Variants in EEF1E1 observed in about 807,000 individuals in gnomAD.
EEF1E1 encodes the protein eukaryotic translation elongation factor 1 epsilon-1.
EEF1E1 carries 19 observed loss-of-function variants against 19.9 expected under a neutral mutation model. The ratio of observed to expected loss-of-function variants is 0.95; its 90% CI spans 0.66 to 1.40. The LOEUF is 1.40. EEF1E1 is among the 40% of genes most tolerant of loss of function. EEF1E1 has a pLI of 0.00. For synonymous variants in EEF1E1, 81 were observed against 80.0 expected (o/e 1.01, Z -0.07); for missense variants, 198 against 202.2 (o/e 0.98, Z 0.13).
intron 2 of EEF1E1, 25 bp downstream of exon 2, chr6:8,097,242 C>T (rs1460418308): frequency 1.2e-6 from 2 of 1,606,206 alleles, no homozygotes; most frequent in Non-Finnish European, 1.7e-6. Context: ...TCATGCATTT[C>T]AGCCTATAAG....
chr6:8,092,869 C>CCTT (rs1491119699), intron 2 of EEF1E1, among the ~76,000 whole-genome samples: 33 of 93,774 alleles, frequency 3.5e-4, no homozygotes, highest in Admixed American at 8.9e-4. Context: ...ATAAAGACTG[C>CCTT]TTTTTTTTTT....
chr6:8,084,653 A>G (rs1017103182), intron 3 of EEF1E1, among the ~76,000 whole-genome samples: 5 of 152,236 alleles, frequency 3.3e-5, no homozygotes, highest in Non-Finnish European at 7.3e-5. Context: ...ACGACTGATG[A>G]TATTTTTCCT....
chr6:8,090,120 A>C, intron 3 of EEF1E1, 66 bp downstream of exon 3: 2 of 1,338,774 alleles, frequency 1.5e-6, no homozygotes, highest in Non-Finnish European at 2.0e-6. Context: ...TTTAAATTCA[A>C]GACAAAGTTT....
In EEF1E1 at chr6:8,101,236, AAAAAAAAATATATATATAT is replaced by A. The variant is rs1224007591; in HGVS notation, c.87+1180_87+1198del. On this transcript the variant is annotated intron_variant, in intron 1 of 3. Transcript: ENST00000379715. ...GTGAGACTTTGTCTCAAAAAAAAAA[AAAAAAAAATATATATATAT>A]ATATATATATATATATATATATATA... Among the ~76,000 whole-genome samples the A allele has an allele frequency of 4.7e-3, 332 of 71,262 alleles. 36 individuals carry two copies. The highest frequency in any genetic ancestry group is 0.021 in the African/African-American group (319 of 14,838). 46.8% of individuals were successfully genotyped at this position (71,262 alleles called of 152,430 possible).
intron 2 of EEF1E1, among the ~76,000 whole-genome samples, chr6:8,094,316 G>A (rs1002363860): frequency 6.6e-6 from 1 of 151,918 alleles, no homozygotes; most frequent in Admixed American, 6.6e-5. Context: ...GCCTAAGGAC[G>A]CCGGGTGCGG....
chr6:8,101,243 A>AAAATATATATATATATAT (rs1271033598), intron 1 of EEF1E1, among the ~76,000 whole-genome samples: 1 of 58,470 alleles, frequency 1.7e-5, no homozygotes, highest in African/African-American at 7.9e-5. Context: ...AAAAAAAAAA[A>AAAATATATATATATATAT]ATATATATAT....
intron 3 of EEF1E1, chr6:8,089,928 T>A: frequency 2.6e-6 from 1 of 381,928 alleles, no homozygotes; most frequent in Non-Finnish European, 4.6e-6. Flanking sequence ...CTTTCATTTT[T>A]ATCTGATAAG....
chr6:8,090,353 A>C (rs1242584653), intron 2 of EEF1E1, 72 bp from the exon 3 acceptor site: 4 of 1,121,796 alleles, frequency 3.6e-6, no homozygotes, highest in Non-Finnish European at 4.7e-6. Context: ...TCATATCATG[A>C]CTTAAAAGAT....
intron 3 of EEF1E1, among the ~76,000 whole-genome samples, chr6:8,088,944 A>AG (rs1757942167): frequency 1.4e-5 from 2 of 141,832 alleles, no homozygotes; most frequent in African/African-American, 5.3e-5. Flanking sequence ...TATCCCTGGG[A>AG]GAAAAAAAAA....
chr6:8,092,868 GCTTTT>G (rs374573070), intron 2 of EEF1E1, among the ~76,000 whole-genome samples: 13,126 of 107,362 alleles, frequency 0.12, 1,144 homozygotes, highest in South Asian at 0.23. Context: ...GATAAAGACT[GCTTTT>G]TTTTTTTTTT....
intron 3 of EEF1E1, among the ~76,000 whole-genome samples, chr6:8,073,727 A>G (rs780561883): frequency 6.6e-6 from 1 of 152,268 alleles, no homozygotes; most frequent in Non-Finnish European, 1.5e-5. Context: ...AAATGTGGTC[A>G]GTGGAAATTG....
Position 8,073,505 on chromosome 6 carries a change from C to T in EEF1E1, c.390G>A (p.Arg130=), listed in dbSNP as rs1213688353. 1.9e-6 allele frequency: 3 copies of T among 1,551,554 alleles called. No homozygotes were observed. In the South Asian group the frequency reaches 3.6e-5, roughly 18 times the overall value. ...TCCCTACCTCTGTGTGCCTCAGCTT[C>T]CTTATCTGCAAAAGGGGATAAAAAA... The change falls in exon 4 of 4, where the codon AGG becomes AGA. Residue 130 remains arginine (R), a synonymous_variant. Transcript: ENST00000429723.
chr6:8,088,571 A>C (rs1757931186), intron 3 of EEF1E1, among the ~76,000 whole-genome samples: 1 of 152,170 alleles, frequency 6.6e-6, no homozygotes, highest in Non-Finnish European at 1.5e-5. Context: ...GTAAGACATG[A>C]CTTGCTCCGA....
In EEF1E1 at chr6:8,101,358, T is replaced by TA. The variant is rs1581480069; in HGVS notation, c.87+1076_87+1077insT. Among the ~76,000 whole-genome samples, 5 of 141,072 alleles carry TA rather than the reference T, an allele frequency of 3.5e-5. 1 individual carries two copies. The East Asian group carries it at 1.1e-3, about 31-fold the overall frequency. The allele number at this position is 141,072 out of a possible 152,430, so 92.5% of individuals were successfully genotyped here. ...ATATTATATTTATACTACATATATA[T>TA]TATATAATATATACACTAAGCTAGG... On this transcript the variant is annotated intron_variant, in intron 1 of 3. Transcript: ENST00000379715.
chr6:8,100,345 T>C (rs1758313947), intron 1 of EEF1E1, among the ~76,000 whole-genome samples: 1 of 152,228 alleles, frequency 6.6e-6, no homozygotes, highest in Admixed American at 6.5e-5. Flanking sequence ...TCCACTTTTA[T>C]AGTCAGAATT....
chr6:8,074,307 A>G lies in EEF1E1; in HGVS notation c.385-797T>C, dbSNP rs115422502. The stretch of plus-strand genomic sequence containing the variant: ...CTTTCTGCAATATACAGCTGTACTG[A>G]TAACATATACGTGTAATTTACACTT... On this transcript the variant is annotated intron_variant, in intron 3 of 3. Transcript: ENST00000429723. Among the ~76,000 whole-genome samples, 277 of 152,314 alleles carry G rather than the reference A, an allele frequency of 1.8e-3. 3 individuals carry two copies. The highest frequency in any genetic ancestry group is 6.4e-3 in the African/African-American group (266 of 41,570).
At chr6:8,088,725 T>TCCTA (rs1342485692) in intron 3 of EEF1E1, among the ~76,000 whole-genome samples, 4 of 152,212 alleles carry the variant, frequency 2.6e-5, no homozygotes, top group African/African-American at 9.7e-5. Flanking sequence ...ACAAATGGTT[T>TCCTA]GGCCTAGGAA....
chr6:8,086,556 T>G (rs1203678017), intron 3 of EEF1E1, among the ~76,000 whole-genome samples: 1 of 152,198 alleles, frequency 6.6e-6, no homozygotes, highest in African/African-American at 2.4e-5. Context: ...TTTTACAGTT[T>G]ATAAGACAAA....
chr6:8,097,140 G>A (rs1758198187), intron 2 of EEF1E1, 127 bp downstream of exon 2: 1 of 905,906 alleles, frequency 1.1e-6, no homozygotes, highest in Non-Finnish European at 1.8e-6. Context: ...GGGAATAACA[G>A]ATGCAAACTA....
Sources: allele counts gnomAD v4.1 joint callset (sites outside exome capture counted in the v4.1 genomes callset), GRCh38; gene constraint gnomAD v4.1.1; transcripts MANE v1.5; gene names NCBI Gene and HGNC (gene_info 2026-07-23, HGNC 2026-07-21).